Variants in TRIO observed in about 807,000 individuals in gnomAD.
TRIO encodes the protein triple functional domain protein.
Under a neutral mutation model 351.9 loss-of-function variants are expected in TRIO, and 58 were observed. That is an observed-to-expected ratio of 0.16 (90% CI 0.13 to 0.21). The LOEUF (loss-of-function observed/expected upper bound fraction) is 0.21. Ranked by LOEUF, TRIO falls within the 10% of genes least tolerant of loss-of-function variation. The probability of loss-of-function intolerance (pLI) is 1.00; values close to 1 mark genes in which losing one functional copy is unlikely to be tolerated. For missense variants in TRIO, 3,201 were observed against 4,027.8 expected (o/e 0.79, Z 5.56); for synonymous variants, 1,758 against 1,595.7 (o/e 1.10, Z -2.42).
intron 6 of TRIO, among the ~76,000 whole-genome samples, chr5:14,294,397 C>T (rs181153233): frequency 2.6e-5 from 4 of 152,240 alleles, no homozygotes; most frequent in Admixed American, 2.0e-4. Flanking sequence ...TGGTTCGAAT[C>T]GTCAAACCTG....
At chr5:14,266,094 G>A (rs961130829) in intron 1 of TRIO, among the ~76,000 whole-genome samples, 3 of 151,430 alleles carry the variant, frequency 2.0e-5, no homozygotes, top group African/African-American at 2.4e-5. Flanking sequence ...ACAGAGTCTC[G>A]CTCTGCCGTC....
chr5:14,358,204 G>A lies in TRIO; in HGVS notation c.2073G>A (p.Gln691=), dbSNP rs750259424. 6.2e-7 allele frequency: 1 copy of A among 1,613,606 alleles called. No homozygotes were observed. Among genetic ancestry groups the A allele is most frequent in the East Asian group, 2.2e-5 (1 of 44,868 alleles). ...KELWTWLEEL[Q]KELLDDVYAE... ...TGTGGACGTGGCTGGAGGAGCTGCAGAAGGAGCTGCTGGACGACGTGTATG... is the reference window on the plus strand; with the variant it reads ...TGTGGACGTGGCTGGAGGAGCTGCAAAAGGAGCTGCTGGACGACGTGTATG... Residue 691 remains glutamine (Q), a synonymous_variant, in exon 12 of 57, where the codon CAG becomes CAA. Transcript: ENST00000344204.
chr5:14,457,241 A>G (rs1021067887), intron 34 of TRIO, among the ~76,000 whole-genome samples: 1 of 152,142 alleles, frequency 6.6e-6, no homozygotes, highest in East Asian at 1.9e-4. Context: ...AAATGAAAGA[A>G]TGTCACTTCC....
chr5:14,320,048 C>G (rs1739737313), intron 9 of TRIO, among the ~76,000 whole-genome samples: 1 of 152,148 alleles, frequency 6.6e-6, no homozygotes. Flanking sequence ...CCCAGATGCA[C>G]ATGCTGGCTG....
chr5:14,173,892 A>G, intron 1 of TRIO, among the ~76,000 whole-genome samples: 1 of 152,318 alleles, frequency 6.6e-6, no homozygotes, highest in African/African-American at 2.4e-5. Flanking sequence ...GTTTGTATAA[A>G]TGTAGAGCCA....
chr5:14,396,044 TAAAAAAAAAAAAAA>T (rs557922366), intron 28 of TRIO, among the ~76,000 whole-genome samples: 3 of 64,548 alleles, frequency 4.6e-5, no homozygotes, highest in South Asian at 6.1e-4. Flanking sequence ...AGACTCCGCC[TAAAAAAAAAAAAAA>T]AAAAAAAAAG....
intron 1 of TRIO, among the ~76,000 whole-genome samples, chr5:14,207,523 T>TAC (rs113435385): frequency 0.19 from 9,830 of 53,040 alleles, 2,214 homozygotes; most frequent in African/African-American, 0.23. Flanking sequence ...ACTGTCTCTC[T>TAC]ACACACACAC....
chr5:14,388,326 C>A (rs1232455876), intron 23 of TRIO, among the ~76,000 whole-genome samples: 1 of 152,148 alleles, frequency 6.6e-6, no homozygotes. Context: ...TGAGCACTCT[C>A]CAGTGCAGAG....
At chr5:14,256,279 G>GAC (rs1163780165) in intron 1 of TRIO, among the ~76,000 whole-genome samples, 5 of 152,140 alleles carry the variant, frequency 3.3e-5, no homozygotes, top group African/African-American at 1.2e-4. Context: ...AACTCACAAA[G>GAC]ACAGCACCAA....
At chr5:14,457,016 TGAAAA>T (rs1333360933) in intron 34 of TRIO, among the ~76,000 whole-genome samples, 1 of 152,042 alleles carries the variant, frequency 6.6e-6, no homozygotes, top group East Asian at 1.9e-4. Flanking sequence ...ATTTCTACTG[TGAAAA>T]GAAAAAAAGT....
intron 34 of TRIO, among the ~76,000 whole-genome samples, chr5:14,457,375 C>CA (rs1753411981): frequency 2.2e-5 from 1 of 44,740 alleles, no homozygotes; most frequent in African/African-American, 1.2e-4. Flanking sequence ...CCCTGACCTC[C>CA]CCCCCCCCCC....
Position 14,287,080 on chromosome 5 carries a change from G to T in TRIO, c.540+17G>T, listed in dbSNP as rs199935946. 6 of 1,610,640 alleles carry T rather than the reference G, an allele frequency of 3.7e-6. No individual in the cohort carries two copies. In the African/African-American group the frequency reaches 6.7e-5, roughly 18 times the overall value. ...GAATTTGAGGTAACTTCCCCCGTGT[G>T]GCTAGACCCACTAAACAAGTTGGTG... On this transcript the variant is annotated intron_variant, in intron 4 of 56. Coordinates refer to ENST00000344204, the MANE Select transcript of TRIO (RefSeq NM_007118.4).
chr5:14,410,141 T>A (rs1342567028), intron 33 of TRIO, among the ~76,000 whole-genome samples: 1 of 152,164 alleles, frequency 6.6e-6, no homozygotes, highest in Non-Finnish European at 1.5e-5. Flanking sequence ...GGTGTCTTAC[T>A]CCGTTCTGGA....
At chr5:14,178,376 T>C (rs778930886) in intron 1 of TRIO, among the ~76,000 whole-genome samples, 13 of 152,228 alleles carry the variant, frequency 8.5e-5, no homozygotes, top group Non-Finnish European at 2.9e-5. Flanking sequence ...CTGTTAATCT[T>C]GTGTTCTGGC....
At chr5:14,236,788 T>A (rs1208472547) in intron 1 of TRIO, among the ~76,000 whole-genome samples, 2 of 152,194 alleles carry the variant, frequency 1.3e-5, no homozygotes, top group Non-Finnish European at 2.9e-5. Context: ...CCTACAGAGT[T>A]GTGCAGCCAT....
At chr5:14,351,512 A>G (rs1472332487) in intron 11 of TRIO, among the ~76,000 whole-genome samples, 1 of 152,242 alleles carries the variant, frequency 6.6e-6, no homozygotes, top group Non-Finnish European at 1.5e-5. Context: ...GTCTTTGTCA[A>G]AAACAAGAGT....
intron 1 of TRIO, among the ~76,000 whole-genome samples, chr5:14,161,586 T>G (rs1231299026): frequency 2.0e-5 from 3 of 152,188 alleles, no homozygotes; most frequent in Non-Finnish European, 4.4e-5. Flanking sequence ...AGTAGATGGT[T>G]GTTGTGATTT....
chr5:14,143,746 A>G lies in TRIO; in HGVS notation c.21A>G (p.Gly7=). 1 of 982,006 alleles carries G rather than the reference A, an allele frequency of 1.0e-6. No homozygotes were observed. The highest frequency in any genetic ancestry group is 1.2e-6 in the Non-Finnish European group (1 of 829,708). 60.8% of individuals were successfully genotyped at this position (982,006 alleles called of 1,614,324 possible). ...CAGCCATGAGCGGCAGCAGCGGCGG[A>G]GCCGCCGCCCCCGCCGCGTCCTCCG... MSGSSG[G]AAAPAASSGP... is the part of the protein sequence containing the mutation. The change falls in exon 1 of 57, where the codon GGA becomes GGG. Residue 7 remains glycine (G), a synonymous_variant. Coordinates refer to ENST00000344204, the MANE Select transcript of TRIO (RefSeq NM_007118.4).
intron 1 of TRIO, among the ~76,000 whole-genome samples, chr5:14,224,384 A>G (rs929564196): frequency 1.3e-5 from 2 of 152,114 alleles, no homozygotes; most frequent in Non-Finnish European, 2.9e-5. Context: ...GGAGTAAGGA[A>G]GAACTCTTAG....
Sources: allele counts gnomAD v4.1 joint callset (sites outside exome capture counted in the v4.1 genomes callset), GRCh38; gene constraint gnomAD v4.1.1; transcripts MANE v1.5; gene names NCBI Gene and HGNC (gene_info 2026-07-23, HGNC 2026-07-21).